PCDHGA5: variants seen among roughly 807,000 people sequenced by gnomAD.
PCDHGA5 encodes the protein protocadherin gamma-A5.
In PCDHGA5, 36 loss-of-function variants were observed where a neutral mutation model predicts 56.7. The observed-to-expected ratio is 0.64, with a 90% CI of 0.49 to 0.84. The LOEUF is 0.84. PCDHGA5 is among the 40% of genes least tolerant of loss of function. The pLI, the probability that PCDHGA5 is intolerant of heterozygous loss-of-function variation, is 0.00. For synonymous variants in PCDHGA5, 563 were observed against 520.2 expected (o/e 1.08, Z -1.12); for missense variants, 1,305 against 1,201.5 (o/e 1.09, Z -1.27).
At chr5:141,371,456 A>G (rs755481962) in intron 1 of PCDHGA5, 2 of 1,614,020 alleles carry the variant, frequency 1.2e-6, no homozygotes, top group South Asian at 1.1e-5. Context: ...CTGAATCCCA[A>G]CATATACAAG....
At chr5:141,392,750 G>C in intron 1 of PCDHGA5, 1 of 1,451,824 alleles carries the variant, frequency 6.9e-7, no homozygotes, top group Non-Finnish European at 9.1e-7. Flanking sequence ...GCTGCGGCAA[G>C]AAACTAAATA....
rs778589637 is a variant in PCDHGA5 at position 141,487,133 on chromosome 5, C to T, written c.2422-7674C>T. On this transcript the variant is annotated intron_variant, in intron 1 of 3. Coordinates refer to ENST00000518069, the MANE Select transcript of PCDHGA5 (RefSeq NM_018918.3). The surrounding 1 kb of genome is among the most constrained non-coding windows in gnomAD (Gnocchi z 5.0). ...TGTGGTAAAGGATAGTGGTAGTCCA[C>T]CACTCTCTACCTCTGTTACTCTCTT... 8.7e-6 allele frequency: 14 copies of T among 1,613,932 alleles called. No homozygotes were observed. In the South Asian group the frequency reaches 1.5e-4, roughly 18 times the overall value.
chr5:141,427,887 C>A (rs759734297), intron 1 of PCDHGA5: 2 of 1,565,908 alleles, frequency 1.3e-6, no homozygotes, highest in Admixed American at 1.7e-5. Flanking sequence ...GGCCCACGAC[C>A]AGGGCTCGCC....
At chr5:141,370,519 A>G (rs1766991925) in intron 1 of PCDHGA5, 1 of 1,613,730 alleles carries the variant, frequency 6.2e-7, no homozygotes, top group South Asian at 1.1e-5. Context: ...GAGGAGCTGG[A>G]CAGGGGCTCG....
intron 1 of PCDHGA5, chr5:141,371,867 C>G (rs1452583584): frequency 6.2e-7 from 1 of 1,613,548 alleles, no homozygotes; most frequent in Non-Finnish European, 8.5e-7. Flanking sequence ...CCTACTACAT[C>G]GTGGCCAGTG....
In PCDHGA5 at chr5:141,473,538, T is replaced by C. The variant is rs544537855; in HGVS notation, c.2422-21269T>C. Among the ~76,000 whole-genome samples, 58 of 152,328 alleles carry C rather than the reference T, an allele frequency of 3.8e-4. 1 individual carries two copies. Among genetic ancestry groups the C allele is most frequent in the African/African-American group, 1.3e-3 (55 of 41,576 alleles). Reference sequence around the variant, plus strand: ...AAGGATCCTGGTTTTAACTGGGGCCTAATGGAAGACCTCTATTAGGAAATA... The same window carrying C: ...AAGGATCCTGGTTTTAACTGGGGCCCAATGGAAGACCTCTATTAGGAAATA... On this transcript the variant is annotated intron_variant, in intron 1 of 3. Coordinates refer to ENST00000518069, the MANE Select transcript of PCDHGA5 (RefSeq NM_018918.3).
Position 141,373,901 on chromosome 5 carries a change from C to T in PCDHGA5, c.2421+7150C>T. ...AATCAACGGAAACTCAAGTTACATCCTCCAACAACAAAGCAAATTAGACGG... is the reference window on the plus strand; with the variant it reads ...AATCAACGGAAACTCAAGTTACATCTTCCAACAACAAAGCAAATTAGACGG... On this transcript the variant is annotated intron_variant, in intron 1 of 3. Coordinates refer to ENST00000518069, the MANE Select transcript of PCDHGA5 (RefSeq NM_018918.3). 5.3e-6 allele frequency: 3 copies of T among 568,614 alleles called. No homozygotes were observed. In the East Asian group the frequency reaches 9.4e-5, roughly 18 times the overall value. The allele number at this position is 568,614 out of a possible 1,614,324, so 35.2% of individuals were successfully genotyped here.
chr5:141,414,781 G>T, intron 1 of PCDHGA5: 2 of 1,614,230 alleles, frequency 1.2e-6, no homozygotes, highest in Non-Finnish European at 1.7e-6. Flanking sequence ...ACAGATGCAG[G>T]TGACAGCCAG....
chr5:141,444,152 A>ATTTTTTTTT (rs747671382), intron 1 of PCDHGA5, among the ~76,000 whole-genome samples: 2 of 33,898 alleles, frequency 5.9e-5, no homozygotes, highest in Non-Finnish European at 5.2e-5. Context: ...TGTGTACTGG[A>ATTTTTTTTT]TTTTTTTTTT....
At chr5:141,500,094 A>C (rs2099796337) in intron 2 of PCDHGA5, among the ~76,000 whole-genome samples, 1 of 151,860 alleles carries the variant, frequency 6.6e-6, no homozygotes, top group South Asian at 2.1e-4. Context: ...CCATTTTTGC[A>C]ATTTATTTGT....
chr5:141,399,755 G>A (rs1420211451), intron 1 of PCDHGA5: 1 of 1,613,232 alleles, frequency 6.2e-7, no homozygotes, highest in African/African-American at 1.3e-5. Context: ...GCAAACGTGA[G>A]CCTGCGCGTG....
chr5:141,405,005 G>C (rs1358521218), intron 1 of PCDHGA5: 7 of 1,613,830 alleles, frequency 4.3e-6, no homozygotes, highest in African/African-American at 2.7e-5. Context: ...TGCAGACCTG[G>C]AGGCCTCAGA....
At position 141,431,698 on chromosome 5, in the gene PCDHGA5, AT is replaced by A. The variant is rs2097408637; in HGVS notation, c.2422-63107del. ...GGGAGTTGGACCACGAGGAGTCAGG[AT>A]TCTACCAGATGGAAGTGCAAGCAAT... On this transcript the variant is annotated intron_variant, in intron 1 of 3. Coordinates refer to ENST00000518069, the MANE Select transcript of PCDHGA5 (RefSeq NM_018918.3). The surrounding 1 kb of genome is among the most constrained non-coding windows in gnomAD (Gnocchi z 4.8). 4.3e-6 allele frequency: 7 copies of A among 1,614,104 alleles called. 1 individual carries two copies. The South Asian group carries it at 7.7e-5, about 18-fold the overall frequency.
At chr5:141,463,518 G>C (rs537466389) in intron 1 of PCDHGA5, among the ~76,000 whole-genome samples, 1 of 139,068 alleles carries the variant, frequency 7.2e-6, no homozygotes, top group African/African-American at 2.8e-5. Context: ...GCGTGATCTC[G>C]GCTTACTAGA....
chr5:141,365,446 T>A lies in PCDHGA5; in HGVS notation c.1116T>A (p.His372Gln). 6.2e-7 allele frequency: 1 copy of A among 1,614,030 alleles called. No homozygotes were observed. Among genetic ancestry groups the A allele is most frequent in the Non-Finnish European group, 8.5e-7 (1 of 1,179,890 alleles). ...CTGTAATCGCGCTGTTTAGCGTACA[T>A]GATGGTGATTCTGGAGAAAATGGTG... is the stretch of plus-strand genomic sequence containing the variant. The part of the protein sequence containing the change: ...PGTVIALFSV[H>Q]DGDSGENGEI... The change falls in exon 1 of 4, where the codon CAT becomes CAA. Residue 372 changes from histidine (H) to glutamine (Q), a missense_variant. Transcript: ENST00000518069.
chr5:141,489,151 AAG>A lies in PCDHGA5; in HGVS notation c.2422-5652_2422-5651del. ...TTTTTAAGAGGCTGGAAGGAGACAT[AAG>A]AGACTTCAGCTGCTGCATTCCAAGC... On this transcript the variant is annotated intron_variant, in intron 1 of 3. Coordinates refer to ENST00000518069, the MANE Select transcript of PCDHGA5 (RefSeq NM_018918.3). The surrounding 1 kb of genome is among the most constrained non-coding windows in gnomAD (Gnocchi z 4.5). The A allele has an allele frequency of 1.1e-6, 1 of 932,970 alleles. No homozygotes were observed. The highest frequency in any genetic ancestry group is 1.6e-6 in the Non-Finnish European group (1 of 622,054). 57.8% of individuals were successfully genotyped at this position (932,970 alleles called of 1,614,324 possible).
In PCDHGA5 at chr5:141,432,872, C is replaced by G; in HGVS notation, c.2422-61935C>G. 4 of 1,614,192 alleles carry G rather than the reference C, an allele frequency of 2.5e-6. No individual in the cohort carries two copies. The highest frequency in any genetic ancestry group is 3.4e-6 in the Non-Finnish European group (4 of 1,180,018). ...GGTGGCCGCGGTCTCCTGCGTCTTCCTGGCCTTCGTCATCTTGCTGCTGGC... is the reference window on the plus strand; with the variant it reads ...GGTGGCCGCGGTCTCCTGCGTCTTCGTGGCCTTCGTCATCTTGCTGCTGGC... On this transcript the variant is annotated intron_variant, in intron 1 of 3. Coordinates refer to ENST00000518069, the MANE Select transcript of PCDHGA5 (RefSeq NM_018918.3). The surrounding 1 kb of genome is among the most constrained non-coding windows in gnomAD (Gnocchi z 6.0).
intron 1 of PCDHGA5, among the ~76,000 whole-genome samples, chr5:141,467,116 A>T (rs981562543): frequency 2.0e-5 from 3 of 150,560 alleles, no homozygotes; most frequent in Non-Finnish European, 4.4e-5. Flanking sequence ...ACAATGGTGC[A>T]ATCTCAGCTC....
chr5:141,441,609 A>G (rs922588350), intron 1 of PCDHGA5: 2 of 218,734 alleles, frequency 9.1e-6, no homozygotes, highest in South Asian at 5.5e-5. Context: ...TCCCTATTCC[A>G]TCGTGGCCAG....
Sources: gnomAD v4.1 joint callset for allele counts (sites outside exome capture counted in the v4.1 genomes callset) on GRCh38, gnomAD v4.1.1 for gene constraint, Gnocchi (gnomAD v3.1) non-coding constraint, MANE v1.5 for transcripts, NCBI Gene and HGNC (gene_info 2026-07-23, HGNC 2026-07-21) for gene names.